The following LRRC8B variants were observed in gnomAD, a reference collection of about 807,000 sequenced individuals.
LRRC8B encodes volume-regulated anion channel subunit LRRC8B.
LRRC8B carries 23 observed loss-of-function variants against 58.8 expected under a neutral mutation model. The ratio of observed to expected loss-of-function variants is 0.39; its 90% CI spans 0.28 to 0.55. The LOEUF (loss-of-function observed/expected upper bound fraction) is 0.55. Among genes scored for constraint, LRRC8B ranks in the 20% least tolerant of loss-of-function variants. The pLI, the probability that LRRC8B is intolerant of heterozygous loss-of-function variation, is 0.62. For missense variants in LRRC8B, 694 were observed against 936.0 expected, an observed-to-expected ratio of 0.74 and a Z score of 3.37; for synonymous variants, 359 against 374.1, an observed-to-expected ratio of 0.96 and a Z score of 0.47.
chr1:89,574,728 G>A (rs12739453), intron 3 of LRRC8B, among the ~76,000 whole-genome samples: 57,074 of 151,866 alleles, frequency 0.38, 12,930 homozygotes, highest in South Asian at 0.55. Context: ...TTGTAAATCC[G>A]ACTGTTTCTC....
At chr1:89,526,964 T>C (rs1649749785) in intron 1 of LRRC8B, 2 of 152,312 alleles carry the variant, frequency 1.3e-5, no homozygotes, top group African/African-American at 4.8e-5. Flanking sequence ...ATTTTCAGAA[T>C]CCTCAGAGTG....
chr1:89,546,463 C>T (rs887058617), intron 1 of LRRC8B, among the ~76,000 whole-genome samples: 4 of 152,156 alleles, frequency 2.6e-5, no homozygotes, highest in South Asian at 2.1e-4. Context: ...ATATCAAGCA[C>T]GGAAGAGTAA....
intron 1 of LRRC8B, among the ~76,000 whole-genome samples, chr1:89,551,725 A>C (rs1190249651): frequency 1.3e-5 from 2 of 152,118 alleles, no homozygotes; most frequent in Non-Finnish European, 2.9e-5. Flanking sequence ...CCCAAAGAAA[A>C]CGGGACTGAC....
At position 89,567,374 on chromosome 1, in the gene LRRC8B, T is replaced by A. The variant is rs539324646; in HGVS notation, c.-240-873T>A. ...TTTACTTTACTTGACAGCAGTGGCTTCACCCTAAGATGACAAATTGTCATT... is the reference window on the plus strand; with the variant it reads ...TTTACTTTACTTGACAGCAGTGGCTACACCCTAAGATGACAAATTGTCATT... On this transcript the variant is annotated intron_variant, in intron 1 of 5. Transcript: ENST00000330947. Among the ~76,000 whole-genome samples the A allele has an allele frequency of 3.9e-5, 6 of 152,344 alleles. No homozygotes were observed. In the South Asian group the frequency reaches 1.2e-3, roughly 32 times the overall value.
Position 89,596,572 on chromosome 1 carries a change from T to C in LRRC8B, c.*3529T>C, listed in dbSNP as rs1016551690. 2 of 152,162 alleles carry C rather than the reference T, an allele frequency of 1.3e-5. No individual in the cohort carries two copies. The highest frequency in any genetic ancestry group is 2.9e-5 in the Non-Finnish European group (2 of 68,000). The allele number at this position is 152,162 out of a possible 1,614,324, so 9.4% of individuals were successfully genotyped here. On this transcript the variant is annotated 3_prime_UTR_variant, in exon 6 of 6. Coordinates refer to ENST00000330947, the MANE Select transcript of LRRC8B (RefSeq NM_001369817.2). ...AAAACCATTAAAATAATCAAACAAT[T>C]ATTCTGTGCCCTTAACATTATTTTC...
intron 1 of LRRC8B, among the ~76,000 whole-genome samples, chr1:89,535,115 G>A (rs1226810546): frequency 1.3e-5 from 2 of 152,106 alleles, no homozygotes; most frequent in Non-Finnish European, 2.9e-5. Context: ...GCTGGAAAGA[G>A]CCAGCAGAAG....
In LRRC8B at chr1:89,583,477, T is replaced by C; in HGVS notation, c.827T>C (p.Val276Ala). ...VILFVLIITY[V>A]PYFLTHITLE... ...TTGTTTGTGCTCATCATAACTTATG[T>C]TCCATATTTTTTAACCCACATCACT... is the stretch of plus-strand genomic sequence containing the variant. The change falls in exon 5 of 6, where the codon GTT (valine) becomes GCT (alanine). Residue 276 changes from valine (V) to alanine (A), a missense_variant. By Grantham distance (64) the Val-to-Ala change is moderately conservative. This residue lies in a region of LRRC8B where 316 missense variants were observed against 403.8 expected (regional missense o/e 0.78). Coordinates refer to ENST00000330947, the MANE Select transcript of LRRC8B (RefSeq NM_001369817.2). The surrounding 1 kb of genome is among the most constrained non-coding windows in gnomAD (Gnocchi z 5.2). 6.2e-7 allele frequency: 1 copy of C among 1,614,052 alleles called. No homozygotes were observed. Among genetic ancestry groups the C allele is most frequent in the Non-Finnish European group, 8.5e-7 (1 of 1,180,024 alleles).
chr1:89,534,838 T>C (rs1650413441), intron 1 of LRRC8B, among the ~76,000 whole-genome samples: 2 of 152,194 alleles, frequency 1.3e-5, no homozygotes, highest in Admixed American at 1.3e-4. Flanking sequence ...GCTTGACATT[T>C]GATTAGGTCT....
At chr1:89,533,541 C>G (rs1397050177) in intron 1 of LRRC8B, among the ~76,000 whole-genome samples, 1 of 152,164 alleles carries the variant, frequency 6.6e-6, no homozygotes, top group Non-Finnish European at 1.5e-5. Flanking sequence ...TTAAAGCATA[C>G]CTTTTCTGAA....
At chr1:89,541,131 G>A (rs1288468229) in intron 1 of LRRC8B, among the ~76,000 whole-genome samples, 1 of 152,190 alleles carries the variant, frequency 6.6e-6, no homozygotes, top group African/African-American at 2.4e-5. Flanking sequence ...TTGTTCTATG[G>A]AAGAATAATG....
Position 89,582,620 on chromosome 1 carries a change from TC to T in LRRC8B, c.-26-3del, listed in dbSNP as rs1405116528. Reference sequence around the variant, plus strand: ...AGTAGTGTTTCTTTTATTTCCCTCTTCCAGTTTCTGTCCTCCTACAAGGGAA... The same window carrying T: ...AGTAGTGTTTCTTTTATTTCCCTCTTCAGTTTCTGTCCTCCTACAAGGGAA... On this transcript the variant is annotated splice_polypyrimidine_tract_variant and splice_region_variant and intron_variant, in intron 4 of 5. Transcript: ENST00000330947. 3 of 1,515,432 alleles carry T rather than the reference TC, an allele frequency of 2.0e-6. No individual in the cohort carries two copies. Among genetic ancestry groups the T allele is most frequent in the African/African-American group, 2.7e-5 (2 of 72,828 alleles). 93.9% of individuals were successfully genotyped at this position (1,515,432 alleles called of 1,614,324 possible).
At position 89,593,150 on chromosome 1, in the gene LRRC8B, G is replaced by A. The variant is rs113834776; in HGVS notation, c.*107G>A. 2.1e-4 allele frequency: 238 copies of A among 1,144,804 alleles called. 1 individual carries two copies. The African/African-American group carries it at 2.6e-3, about 13-fold the overall frequency. 70.9% of individuals were successfully genotyped at this position (1,144,804 alleles called of 1,614,324 possible). On this transcript the variant is annotated 3_prime_UTR_variant, in exon 6 of 6. Transcript: ENST00000330947. ...AGCACTTTGGGAGGCCAAGATGGGC[G>A]GATTGCTTGAGGTCAGGAGTTCGAG...
chr1:89,542,301 C>A (rs1651060599), intron 1 of LRRC8B, among the ~76,000 whole-genome samples: 1 of 152,180 alleles, frequency 6.6e-6, no homozygotes, highest in South Asian at 2.1e-4. Context: ...AAGGTGGTTC[C>A]TCTACCTGCC....
intron 5 of LRRC8B, among the ~76,000 whole-genome samples, chr1:89,591,557 T>A (rs1218910527): frequency 6.6e-6 from 1 of 152,218 alleles, no homozygotes; most frequent in African/African-American, 2.4e-5. Context: ...GATTTATTTT[T>A]AAGGATATAC....
In LRRC8B at chr1:89,597,662, G is replaced by T. The variant is rs1655357420; in HGVS notation, c.*4619G>T. The T allele has an allele frequency of 6.6e-6, 1 of 152,118 alleles. No individual in the cohort carries two copies. The highest frequency in any genetic ancestry group is 1.5e-5 in the Non-Finnish European group (1 of 68,018). The allele number at this position is 152,118 out of a possible 1,614,324, so 9.4% of individuals were successfully genotyped here. A position where few individuals can be genotyped will look rare whatever the true frequency, so the allele number is the denominator to read the frequency against. Reference sequence around the variant, plus strand: ...TACAATTGTTTTTGCTTCTGGTAATGAATTATTAGAAAATGGAAGATTTTG... The same window carrying T: ...TACAATTGTTTTTGCTTCTGGTAATTAATTATTAGAAAATGGAAGATTTTG... On this transcript the variant is annotated 3_prime_UTR_variant, in exon 6 of 6. Coordinates refer to ENST00000330947, the MANE Select transcript of LRRC8B (RefSeq NM_001369817.2).
At chr1:89,531,984 A>G (rs1194646368) in intron 1 of LRRC8B, among the ~76,000 whole-genome samples, 1 of 152,042 alleles carries the variant, frequency 6.6e-6, no homozygotes, top group Non-Finnish European at 1.5e-5. Context: ...TTCCTGCTTC[A>G]GATTTGCCTG....
chr1:89,528,320 T>C (rs1037913427), intron 1 of LRRC8B, among the ~76,000 whole-genome samples: 1 of 152,224 alleles, frequency 6.6e-6, no homozygotes, highest in Non-Finnish European at 1.5e-5. Flanking sequence ...GACCACATTC[T>C]TTATTGTTGA....
At chr1:89,560,403 T>A (rs1397311675) in intron 1 of LRRC8B, among the ~76,000 whole-genome samples, 1 of 149,958 alleles carries the variant, frequency 6.7e-6, no homozygotes, top group East Asian at 1.9e-4. Context: ...TTTTTTTTAA[T>A]ACTTTAAGTT....
intron 3 of LRRC8B, among the ~76,000 whole-genome samples, chr1:89,573,064 G>A (rs915674942): frequency 6.6e-5 from 10 of 152,160 alleles, no homozygotes; most frequent in Non-Finnish European, 1.5e-4. Context: ...ACTTTGGGAG[G>A]CTGAGGTGGG....
Sources: gnomAD v4.1 joint callset for allele counts (sites outside exome capture counted in the v4.1 genomes callset) on GRCh38, gnomAD v4.1.1 for gene constraint, gnomAD v4.1.1 regional missense constraint, Gnocchi (gnomAD v3.1) non-coding constraint, MANE v1.5 for transcripts, NCBI Gene and HGNC (gene_info 2026-07-23, HGNC 2026-07-21) for gene names.